Variants in CSMD1 observed in about 807,000 individuals in gnomAD.
CSMD1 encodes CUB and sushi domain-containing protein 1.
Under a neutral mutation model 417.5 loss-of-function variants are expected in CSMD1, and 213 were observed. That is an observed-to-expected ratio of 0.51 (90% confidence interval 0.46 to 0.57). The LOEUF is 0.57. Ranked by LOEUF, CSMD1 falls within the 20% of genes least tolerant of loss-of-function variation. The pLI is 0.00. For synonymous variants in CSMD1, 2,862 were observed against 1,736.8 expected, an observed-to-expected ratio of 1.65 and a Z score of -16.11; for missense variants, 6,923 against 4,529.7, an observed-to-expected ratio of 1.53 and a Z score of -15.17.
At chr8:3,449,095 G>C (rs1263874296) in intron 12 of CSMD1, among the ~76,000 whole-genome samples, 1 of 152,164 alleles carries the variant, frequency 6.6e-6, no homozygotes, top group African/African-American at 2.4e-5. Context: ...CAATCCATGA[G>C]TTCTACACAG....
intron 1 of CSMD1, among the ~76,000 whole-genome samples, chr8:4,684,263 A>G (rs1421741196): frequency 6.6e-6 from 1 of 152,224 alleles, no homozygotes; most frequent in Non-Finnish European, 1.5e-5. Context: ...ATAAGTGTGC[A>G]TTGATTTTTA....
intron 1 of CSMD1, among the ~76,000 whole-genome samples, chr8:4,727,914 C>T (rs149878113): frequency 0.022 from 3,071 of 138,824 alleles, 82 homozygotes; most frequent in African/African-American, 0.064. Flanking sequence ...TATATATATA[C>T]CAAATACATC....
Position 4,391,093 on chromosome 8 carries a change from T to A in CSMD1, c.415+28860A>T, listed in dbSNP as rs574002237. 4.3e-4 allele frequency among the ~76,000 whole-genome samples: 65 copies of A among 152,314 alleles called. 1 individual carries two copies. The highest frequency in any genetic ancestry group is 1.2e-3 in the African/African-American group (51 of 41,576). ...TTGTCTAGATCCTGGAATGAGGACA[T>A]AAACTGAAGGCAGCCACAAATCTGT... On this transcript the variant is annotated intron_variant, in intron 3 of 69. Transcript: ENST00000635120.
intron 3 of CSMD1, among the ~76,000 whole-genome samples, chr8:4,368,708 C>G (rs1374829105): frequency 6.6e-6 from 1 of 151,992 alleles, no homozygotes; most frequent in Non-Finnish European, 1.5e-5. Context: ...TTGTGTATTT[C>G]TAGGAATTTA....
intron 1 of CSMD1, among the ~76,000 whole-genome samples, chr8:4,792,965 G>A (rs975197948): frequency 7.9e-6 from 1 of 126,838 alleles, no homozygotes; most frequent in African/African-American, 2.8e-5. Context: ...TGGAATATAT[G>A]TGTATATATG....
chr8:3,054,262 T>A (rs2128990538), intron 49 of CSMD1, among the ~76,000 whole-genome samples: 2 of 152,334 alleles, frequency 1.3e-5, no homozygotes, highest in Middle Eastern at 6.8e-3. Flanking sequence ...TCCAAACTCC[T>A]GGAAATTTCA....
chr8:4,994,674 C>A lies in CSMD1; in HGVS notation c.-258G>T, dbSNP rs1027915557. 1 of 400,156 alleles carries A rather than the reference C, an allele frequency of 2.5e-6. No individual in the cohort carries two copies. 24.8% of individuals were successfully genotyped at this position (400,156 alleles called of 1,614,324 possible). On this transcript the variant is annotated 5_prime_UTR_variant, in exon 1 of 70. Transcript: ENST00000635120. ...GGGCTGGCGGGGCCGGGGCCGGGGA[C>A]GAGCGCCGGCCGAGCCGGGCAGGAA... is the stretch of plus-strand genomic sequence containing the variant.
chr8:2,985,202 T>C (rs1805779914), intron 54 of CSMD1, among the ~76,000 whole-genome samples: 1 of 152,194 alleles, frequency 6.6e-6, no homozygotes, highest in African/African-American at 2.4e-5. Flanking sequence ...AAATATACCA[T>C]GTTCAAAGCT....
intron 2 of CSMD1, among the ~76,000 whole-genome samples, chr8:4,592,842 T>C (rs1256039098): frequency 6.6e-6 from 1 of 152,240 alleles, no homozygotes; most frequent in Non-Finnish European, 1.5e-5. Context: ...TGTAATACTA[T>C]TGAAATGAAT....
At chr8:4,971,296 T>C (rs1810222447) in intron 1 of CSMD1, among the ~76,000 whole-genome samples, 2 of 152,126 alleles carry the variant, frequency 1.3e-5, no homozygotes, top group African/African-American at 4.8e-5. Context: ...ATGGATTTTC[T>C]ACACATTCAT....
chr8:4,745,559 T>C (rs1810897855), intron 1 of CSMD1, among the ~76,000 whole-genome samples: 1 of 152,188 alleles, frequency 6.6e-6, no homozygotes, highest in South Asian at 2.1e-4. Flanking sequence ...TATTCACTTA[T>C]TGAAATGTAG....
At chr8:4,643,436 A>C (rs1271199479) in intron 1 of CSMD1, among the ~76,000 whole-genome samples, 2 of 152,170 alleles carry the variant, frequency 1.3e-5, no homozygotes, top group East Asian at 3.9e-4. Flanking sequence ...TCTATTGTAT[A>C]CCTGTTGGCT....
intron 25 of CSMD1, among the ~76,000 whole-genome samples, chr8:3,286,288 C>T (rs1016401130): frequency 2.5e-4 from 38 of 152,222 alleles, no homozygotes; most frequent in Non-Finnish European, 4.6e-4. Context: ...TATAAACATA[C>T]GTGTGCATGT....
chr8:4,594,697 T>C (rs1487193311), intron 2 of CSMD1, among the ~76,000 whole-genome samples: 1 of 152,222 alleles, frequency 6.6e-6, no homozygotes, highest in African/African-American at 2.4e-5. Flanking sequence ...TAATCAAAAC[T>C]AAAACCTTTC....
intron 26 of CSMD1, among the ~76,000 whole-genome samples, chr8:3,248,763 T>G (rs1248029056): frequency 6.6e-6 from 1 of 152,134 alleles, no homozygotes; most frequent in East Asian, 1.9e-4. Flanking sequence ...CTGGGCCTTT[T>G]GCAAACGTGT....
chr8:2,976,107 A>G (rs1804896466), intron 55 of CSMD1, among the ~76,000 whole-genome samples: 1 of 152,088 alleles, frequency 6.6e-6, no homozygotes, highest in African/African-American at 2.4e-5. Flanking sequence ...AAGGCTGAGA[A>G]TTTTTTTGAA....
chr8:4,510,390 T>TAAAAAAAAAAAAAAAAAAA lies in CSMD1; in HGVS notation c.303-90344_303-90326dup, dbSNP rs34791623. ...GTAGACAATTAAAAAGCATAATGCC[T>TAAAAAAAAAAAAAAAAAAA]AAAAAAAAAAAAAAAAAAAAAAAAA... On this transcript the variant is annotated intron_variant, in intron 2 of 69. Transcript: ENST00000635120. Among the ~76,000 whole-genome samples the TAAAAAAAAAAAAAAAAAAA allele has an allele frequency of 2.7e-4, 15 of 54,618 alleles. 2 individuals are homozygous for TAAAAAAAAAAAAAAAAAAA. Among genetic ancestry groups the TAAAAAAAAAAAAAAAAAAA allele is most frequent in the East Asian group, 1.2e-3 (2 of 1,628 alleles). The allele number at this position is 54,618 out of a possible 152,430, so 35.8% of individuals were successfully genotyped here.
chr8:4,824,121 C>T (rs1036482108), intron 1 of CSMD1, among the ~76,000 whole-genome samples: 1 of 151,454 alleles, frequency 6.6e-6, no homozygotes, highest in Non-Finnish European at 1.5e-5. Context: ...CTCTCCCTCT[C>T]ACACGTACAT....
intron 25 of CSMD1, among the ~76,000 whole-genome samples, chr8:3,300,296 G>C (rs890259062): frequency 7.2e-5 from 11 of 151,938 alleles, no homozygotes; most frequent in Admixed American, 3.9e-4. Flanking sequence ...ATTTTAAAAA[G>C]CTATATCACC....
Sources: gnomAD v4.1 joint callset for allele counts (sites outside exome capture counted in the v4.1 genomes callset) on GRCh38, gnomAD v4.1.1 for gene constraint, MANE v1.5 for transcripts, NCBI Gene and HGNC (gene_info 2026-07-23, HGNC 2026-07-21) for gene names.